PRKCZ: variants seen among roughly 807,000 people sequenced by gnomAD.
The protein encoded by PRKCZ is protein kinase C zeta type.
In PRKCZ, 33 loss-of-function variants were observed where a neutral mutation model predicts 79.5. That is an observed-to-expected ratio of 0.41 (90% CI 0.31 to 0.55). The LOEUF (loss-of-function observed/expected upper bound fraction) is 0.55, where lower values mean the gene tolerates loss of function less well. Ranked by LOEUF, PRKCZ falls within the 20% of genes least tolerant of loss-of-function variation. PRKCZ has a pLI of 0.19. For synonymous variants in PRKCZ, 342 were observed against 320.9 expected (o/e 1.07, Z -0.70); for missense variants, 578 against 813.5 (o/e 0.71, Z 3.52).
rs1267599043 is a variant in PRKCZ at position 2,174,151 on chromosome 1, C to T, written c.1405+135C>T. ...CAAAGCGTACCGGGAACCATTCCTC[C>T]TGGCCAGACCCTGTGTCACATGCCA... On this transcript the variant is annotated intron_variant, in intron 14 of 17. Coordinates refer to ENST00000378567, the MANE Select transcript of PRKCZ (RefSeq NM_002744.6). This position sits in a 1 kb window ranked among gnomAD's most constrained non-coding sequence, Gnocchi z 6.2. 4.9e-6 allele frequency: 6 copies of T among 1,212,422 alleles called. No homozygotes were observed. Among genetic ancestry groups the T allele is most frequent in the Non-Finnish European group, 5.5e-6 (5 of 909,016 alleles). The allele number at this position is 1,212,422 out of a possible 1,614,324, so 75.1% of individuals were successfully genotyped here.
rs529599639 is a variant in PRKCZ, at chr1:2,078,266, T to A, written c.334+18675T>A. 3.3e-3 allele frequency among the ~76,000 whole-genome samples: 496 copies of A among 152,372 alleles called. 5 individuals are homozygous for A. Among genetic ancestry groups the A allele is most frequent in the Non-Finnish European group, 5.2e-3 (351 of 68,038 alleles). On this transcript the variant is annotated intron_variant, in intron 4 of 17. Transcript: ENST00000378567. ...CCCTCCAGCAGCTGTCTGAGAAAGATGGCGTGGGAGGCCAGTTTGGGGGAT... is the reference window on the plus strand; with the variant it reads ...CCCTCCAGCAGCTGTCTGAGAAAGAAGGCGTGGGAGGCCAGTTTGGGGGAT...
chr1:2,098,787 T>C (rs1666972482), intron 4 of PRKCZ, among the ~76,000 whole-genome samples: 3 of 152,116 alleles, frequency 2.0e-5, no homozygotes, highest in Admixed American at 1.3e-4. Context: ...GTTCACACCA[T>C]TCTCCTGCCT....
intron 7 of PRKCZ, among the ~76,000 whole-genome samples, chr1:2,148,262 CTCCATCTA>C (rs1318726837): frequency 6.6e-6 from 1 of 151,676 alleles, no homozygotes; most frequent in Non-Finnish European, 1.5e-5. Context: ...CCACTGACCT[CTCCATCTA>C]TCCATCTATT....
chr1:2,067,624 A>G (rs1319708557), intron 4 of PRKCZ, among the ~76,000 whole-genome samples: 1 of 152,070 alleles, frequency 6.6e-6, no homozygotes, highest in Non-Finnish European at 1.5e-5. Context: ...CCCAGGGCCC[A>G]TGAGGGTGGT....
intron 4 of PRKCZ, among the ~76,000 whole-genome samples, chr1:2,090,953 T>C (rs374650425): frequency 1.1e-4 from 16 of 152,370 alleles, no homozygotes; most frequent in African/African-American, 3.6e-4. Flanking sequence ...GTCTTAAATA[T>C]CATCTTTTCA....
At position 2,178,097 on chromosome 1, in the gene PRKCZ, C is replaced by T. The variant is rs565338789; in HGVS notation, c.1575+2784C>T. On this transcript the variant is annotated intron_variant, in intron 16 of 17. Transcript: ENST00000378567. The surrounding 1 kb of genome is among the most constrained non-coding windows in gnomAD (Gnocchi z 4.3). Reference sequence around the variant, plus strand: ...GCAGAAGGAAGGTCCTCCTCCCATTCACCCAACGCCTGCAACTCAGTGGTT... The same window carrying T: ...GCAGAAGGAAGGTCCTCCTCCCATTTACCCAACGCCTGCAACTCAGTGGTT... Among the ~76,000 whole-genome samples, 1 of 152,314 alleles carries T rather than the reference C, an allele frequency of 6.6e-6. No homozygotes were observed. The highest frequency in any genetic ancestry group is 1.9e-4 in the East Asian group (1 of 5,178).
intron 4 of PRKCZ, chr1:2,098,580 C>G (rs1435520686): frequency 1.3e-5 from 2 of 152,236 alleles, no homozygotes; most frequent in Admixed American, 1.3e-4. Context: ...TCTGCCGTCA[C>G]CCCCGGCCTT....
At chr1:2,137,230 T>G (rs1477311986) in intron 5 of PRKCZ, among the ~76,000 whole-genome samples, 1 of 152,110 alleles carries the variant, frequency 6.6e-6, no homozygotes, top group Non-Finnish European at 1.5e-5. Flanking sequence ...GGGAGAAAGA[T>G]GAAAGCCAGA....
intron 4 of PRKCZ, among the ~76,000 whole-genome samples, chr1:2,079,033 G>A (rs555479581): frequency 2.0e-5 from 3 of 152,190 alleles, no homozygotes; most frequent in Non-Finnish European, 2.9e-5. Flanking sequence ...TAGTAGAGAC[G>A]GGGTTTCACC....
At chr1:2,092,007 C>A (rs1665596821) in intron 4 of PRKCZ, among the ~76,000 whole-genome samples, 1 of 151,806 alleles carries the variant, frequency 6.6e-6, no homozygotes, top group South Asian at 2.1e-4. Flanking sequence ...GTGCTTGGTA[C>A]TTGCAAGAAT....
At chr1:2,158,796 G>A (rs1346307236) in intron 10 of PRKCZ, among the ~76,000 whole-genome samples, 1 of 152,188 alleles carries the variant, frequency 6.6e-6, no homozygotes, top group African/African-American at 2.4e-5. Flanking sequence ...GTTCCCAGAT[G>A]CGTAAACCTG....
At chr1:2,152,885 A>T (rs954769974) in intron 9 of PRKCZ, among the ~76,000 whole-genome samples, 1 of 152,250 alleles carries the variant, frequency 6.6e-6, no homozygotes, top group East Asian at 1.9e-4. Flanking sequence ...TTGTGCGTGC[A>T]CCTGCCAAGG....
Position 2,074,112 on chromosome 1 carries a change from C to A in PRKCZ, c.334+14521C>A. 3.3e-6 allele frequency: 5 copies of A among 1,514,824 alleles called. No homozygotes were observed. In the South Asian group the frequency reaches 6.4e-5, roughly 19 times the overall value. 93.8% of individuals were successfully genotyped at this position (1,514,824 alleles called of 1,614,324 possible). On this transcript the variant is annotated intron_variant, in intron 4 of 17. Coordinates refer to ENST00000378567, the MANE Select transcript of PRKCZ (RefSeq NM_002744.6). ...CAGCAACACGGCTGGTGCCACGGCC[C>A]GGGGAAGGCGTGCGGCTGCAGCAGC...
At chr1:2,106,718 ATGCGTGT>A (rs1557575312) in intron 4 of PRKCZ, among the ~76,000 whole-genome samples, 4 of 103,236 alleles carry the variant, frequency 3.9e-5, no homozygotes, top group East Asian at 2.6e-4. Context: ...GAGGACCTCC[ATGCGTGT>A]CACCAGGCCA....
chr1:2,081,075 C>G (rs566951964), intron 4 of PRKCZ, among the ~76,000 whole-genome samples: 1 of 152,228 alleles, frequency 6.6e-6, no homozygotes, highest in African/African-American at 2.4e-5. Context: ...CCTCTTCCCC[C>G]GTGCTGTCCT....
intron 4 of PRKCZ, among the ~76,000 whole-genome samples, chr1:2,113,463 G>A (rs927238569): frequency 1.3e-5 from 2 of 152,158 alleles, no homozygotes; most frequent in Non-Finnish European, 2.9e-5. Context: ...GCAGGTGGAA[G>A]CCAGCAGGTG....
chr1:2,095,293 TGC>T (rs1173706395), intron 4 of PRKCZ, among the ~76,000 whole-genome samples: 1 of 152,158 alleles, frequency 6.6e-6, no homozygotes, highest in Admixed American at 6.5e-5. Context: ...GGCCCTTGTG[TGC>T]GTCCTGAGCT....
chr1:2,172,052 C>T lies in PRKCZ; in HGVS notation c.1062-3C>T. The T allele has an allele frequency of 6.3e-7, 1 of 1,597,890 alleles. No individual in the cohort carries two copies. The highest frequency in any genetic ancestry group is 2.2e-5 in the East Asian group (1 of 44,790). On this transcript the variant is annotated splice_region_variant and splice_polypyrimidine_tract_variant and intron_variant, in intron 11 of 17. Coordinates refer to ENST00000378567, the MANE Select transcript of PRKCZ (RefSeq NM_002744.6). This position sits in a 1 kb window ranked among gnomAD's most constrained non-coding sequence, Gnocchi z 7.8. ...GCCCCCATGACGGCATCCCCACCCC[C>T]AGGTTCTACGCGGCCGAGATCTGCA...
At chr1:2,058,531 A>C (rs1428195259) in intron 3 of PRKCZ, among the ~76,000 whole-genome samples, 1 of 152,074 alleles carries the variant, frequency 6.6e-6, no homozygotes. Flanking sequence ...TGTGGTTGTG[A>C]TAGTAAGCAC....
Sources: allele counts gnomAD v4.1 joint callset (sites outside exome capture counted in the v4.1 genomes callset), GRCh38; gene constraint gnomAD v4.1.1; non-coding constraint Gnocchi (gnomAD v3.1); transcripts MANE v1.5; gene names NCBI Gene and HGNC (gene_info 2026-07-23, HGNC 2026-07-21).